OPCML: variants seen among roughly 807,000 people sequenced by gnomAD.
OPCML encodes opioid-binding protein/cell adhesion molecule.
In OPCML, 13 loss-of-function variants were observed where a neutral mutation model predicts 37.8. That is an observed-to-expected ratio of 0.34 (90% CI 0.22 to 0.55). The LOEUF is 0.55. OPCML is among the 20% of genes least tolerant of loss of function. OPCML has a pLI of 0.91. For synonymous variants in OPCML, 176 were observed against 168.8 expected, an observed-to-expected ratio of 1.04 and a Z score of -0.33; for missense variants, 341 against 435.6, an observed-to-expected ratio of 0.78 and a Z score of 1.93.
intron 1 of OPCML, among the ~76,000 whole-genome samples, chr11:133,411,065 G>C (rs1945641520): frequency 6.6e-6 from 1 of 152,182 alleles, no homozygotes; most frequent in South Asian, 2.1e-4. Context: ...TGAGGAATTA[G>C]ACAGATATTA....
At chr11:132,811,330 C>A (rs1034410351) in intron 2 of OPCML, among the ~76,000 whole-genome samples, 1 of 152,190 alleles carries the variant, frequency 6.6e-6, no homozygotes. Flanking sequence ...CAATTCTTTT[C>A]ACCTTTCTTT....
At position 133,069,290 on chromosome 11, in the gene OPCML, A is replaced by G. The variant is rs554431196; in HGVS notation, c.62-126280T>C. Among the ~76,000 whole-genome samples the G allele has an allele frequency of 2.7e-3, 411 of 152,384 alleles. 1 individual carries two copies. Among genetic ancestry groups the G allele is most frequent in the Non-Finnish European group, 3.9e-3 (266 of 68,042 alleles). On this transcript the variant is annotated intron_variant, in intron 1 of 7. Transcript: ENST00000524381. Reference sequence around the variant, plus strand: ...AAGAAAATTCTTAACATTATGCCTGATACATGGTAGGCACTTATTTATATT... The same window carrying G: ...AAGAAAATTCTTAACATTATGCCTGGTACATGGTAGGCACTTATTTATATT...
intron 1 of OPCML, among the ~76,000 whole-genome samples, chr11:133,013,799 G>A (rs1947266080): frequency 6.6e-6 from 1 of 152,186 alleles, no homozygotes; most frequent in Admixed American, 6.5e-5. Flanking sequence ...GCCAGTGTCA[G>A]AGAAGCACAG....
chr11:132,780,315 G>A (rs1035014649), intron 2 of OPCML, among the ~76,000 whole-genome samples: 9 of 152,210 alleles, frequency 5.9e-5, no homozygotes, highest in African/African-American at 1.4e-4. Context: ...GTGAGGGACC[G>A]TGAGTCGCAT....
chr11:132,425,827 G>A (rs2095976113), intron 7 of OPCML, among the ~76,000 whole-genome samples: 1 of 152,222 alleles, frequency 6.6e-6, no homozygotes, highest in Admixed American at 6.5e-5. Flanking sequence ...CAGCTATTCT[G>A]AGGAAGCGTA....
intron 1 of OPCML, among the ~76,000 whole-genome samples, chr11:133,157,439 T>C (rs1174136098): frequency 6.6e-6 from 1 of 152,168 alleles, no homozygotes; most frequent in Admixed American, 6.5e-5. Context: ...AAAGGGAGAT[T>C]GTTTTATACC....
At chr11:133,434,996 AT>A (rs909845097) in intron 1 of OPCML, among the ~76,000 whole-genome samples, 6 of 151,916 alleles carry the variant, frequency 3.9e-5, no homozygotes, top group African/African-American at 1.4e-4. Flanking sequence ...TTATGAAGCT[AT>A]TTTAGCAAGT....
intron 1 of OPCML, among the ~76,000 whole-genome samples, chr11:133,235,699 C>T (rs1369987394): frequency 2.0e-5 from 3 of 152,200 alleles, no homozygotes; most frequent in African/African-American, 7.2e-5. Flanking sequence ...TCCTAAACCA[C>T]CCGTTAGGGA....
chr11:132,436,244 G>A lies in OPCML; in HGVS notation c.765-7C>T. Reference sequence around the variant, plus strand: ...ATCCAGACCAGTGGCTAACCTGCAAGAGGGAAGACATTGCTATCAATTCAT... The same window carrying A: ...ATCCAGACCAGTGGCTAACCTGCAAAAGGGAAGACATTGCTATCAATTCAT... On this transcript the variant is annotated splice_region_variant and splice_polypyrimidine_tract_variant and intron_variant, in intron 6 of 7. Transcript: ENST00000524381. The A allele has an allele frequency of 1.9e-6, 3 of 1,614,178 alleles. No homozygotes were observed. Among genetic ancestry groups the A allele is most frequent in the Non-Finnish European group, 2.5e-6 (3 of 1,180,030 alleles).
intron 4 of OPCML, chr11:132,437,566 T>C (rs1341008202): frequency 2.2e-5 from 16 of 728,116 alleles, no homozygotes; most frequent in Non-Finnish European, 2.5e-5. Flanking sequence ...TGCATCAATG[T>C]ATTTTCAGTC....
chr11:132,777,196 G>T (rs1565855397), intron 2 of OPCML, among the ~76,000 whole-genome samples: 2 of 152,138 alleles, frequency 1.3e-5, no homozygotes, highest in South Asian at 2.1e-4. Context: ...GATTATTTGT[G>T]TTCTAAGAAA....
At chr11:133,452,132 A>G (rs1006672470) in intron 1 of OPCML, among the ~76,000 whole-genome samples, 1 of 151,748 alleles carries the variant, frequency 6.6e-6, no homozygotes, top group African/African-American at 2.4e-5. Context: ...AATGTGACCC[A>G]TAATCAAGAG....
At chr11:132,573,538 T>C (rs148459212) in intron 3 of OPCML, among the ~76,000 whole-genome samples, 57 of 152,154 alleles carry the variant, frequency 3.7e-4, no homozygotes, top group African/African-American at 1.3e-3. Flanking sequence ...CTTTATTCCA[T>C]TGATTTTGTG....
rs78459949 is a variant in OPCML at position 133,422,539 on chromosome 11, C to T, written c.61+109725G>A. 14,773 of 964,968 alleles carry T rather than the reference C, an allele frequency of 0.015. 1,166 individuals are homozygous for T. The African/African-American group carries it at 0.2, about 13-fold the overall frequency. 59.8% of individuals were successfully genotyped at this position (964,968 alleles called of 1,614,324 possible). On this transcript the variant is annotated intron_variant, in intron 1 of 7. Coordinates refer to ENST00000524381, the MANE Select transcript of OPCML (RefSeq NM_001012393.5). The stretch of plus-strand genomic sequence containing the variant: ...TTTTAGAGACGGGGTCCTGCTCTAC[C>T]GCCCAGGCTGGAGTGCAGCGGTGCG...
At chr11:132,464,397 C>T (rs975873931) in intron 4 of OPCML, among the ~76,000 whole-genome samples, 10 of 152,160 alleles carry the variant, frequency 6.6e-5, no homozygotes, top group African/African-American at 2.2e-4. Context: ...CTGACACCCA[C>T]CCCATCCTAC....
rs2096291878 is a variant in OPCML, at chr11:132,520,960, C to T, written c.505+8101G>A. 3.9e-5 allele frequency among the ~76,000 whole-genome samples: 6 copies of T among 152,054 alleles called. No homozygotes were observed. In the South Asian group the frequency reaches 1.2e-3, roughly 32 times the overall value. ...TCCTGGTTCCAGATCCTTGAGGAATCGCCATGGTCTTCCACAATGGTTGAA... is the reference window on the plus strand; with the variant it reads ...TCCTGGTTCCAGATCCTTGAGGAATTGCCATGGTCTTCCACAATGGTTGAA... On this transcript the variant is annotated intron_variant, in intron 4 of 7. Coordinates refer to ENST00000524381, the MANE Select transcript of OPCML (RefSeq NM_001012393.5).
chr11:133,429,630 G>C (rs1246581186), intron 1 of OPCML, among the ~76,000 whole-genome samples: 1 of 152,160 alleles, frequency 6.6e-6, no homozygotes, highest in Admixed American at 6.5e-5. Flanking sequence ...TTTTGCAGAA[G>C]GTAGAGTCAA....
At chr11:132,570,979 C>T (rs1283996354) in intron 3 of OPCML, among the ~76,000 whole-genome samples, 3 of 151,122 alleles carry the variant, frequency 2.0e-5, no homozygotes, top group Non-Finnish European at 1.5e-5. Flanking sequence ...CAGGGGAGAC[C>T]GACATGTAAG....
At chr11:133,186,840 C>T (rs1938102627) in intron 1 of OPCML, among the ~76,000 whole-genome samples, 1 of 152,112 alleles carries the variant, frequency 6.6e-6, no homozygotes, top group Admixed American at 6.5e-5. Flanking sequence ...AGTTTTCCAG[C>T]AGAGGAGGGT....
Sources: allele counts gnomAD v4.1 joint callset (sites outside exome capture counted in the v4.1 genomes callset), GRCh38; gene constraint gnomAD v4.1.1; transcripts MANE v1.5; gene names NCBI Gene and HGNC (gene_info 2026-07-23, HGNC 2026-07-21).